Variants in METTL25 observed in about 807,000 individuals in gnomAD.
METTL25 encodes methyltransferase like 25.
In METTL25, 64 loss-of-function variants were observed where a neutral mutation model predicts 71.6. The ratio of observed to expected loss-of-function variants is 0.89; its 90% confidence interval spans 0.73 to 1.10. METTL25 has a LOEUF of 1.10. METTL25 is among the 50% of genes least tolerant of loss of function. The probability of loss-of-function intolerance (pLI) is 0.00; values close to 1 mark genes in which losing one functional copy is unlikely to be tolerated. For synonymous variants in METTL25, 287 were observed against 250.3 expected (o/e 1.15, Z -1.38); for missense variants, 807 against 707.0 (o/e 1.14, Z -1.60).
chr12:82,370,607 G>A (rs180968575), intron 1 of METTL25, among the ~76,000 whole-genome samples: 4 of 152,094 alleles, frequency 2.6e-5, no homozygotes, highest in African/African-American at 7.2e-5. Context: ...AGTCTATTTG[G>A]GATTGTAAAG....
At chr12:82,398,411 T>C in intron 3 of METTL25, among the ~76,000 whole-genome samples, 1 of 152,010 alleles carries the variant, frequency 6.6e-6, no homozygotes, top group Non-Finnish European at 1.5e-5. Flanking sequence ...ATATTATATA[T>C]GTTCTGATGA....
At chr12:82,434,361 T>C (rs1889754275) in intron 6 of METTL25, among the ~76,000 whole-genome samples, 1 of 151,486 alleles carries the variant, frequency 6.6e-6, no homozygotes, top group Non-Finnish European at 1.5e-5. Flanking sequence ...TTGATTGTTT[T>C]AGCTACACTA....
intron 9 of METTL25, among the ~76,000 whole-genome samples, chr12:82,470,511 A>C (rs1238807062): frequency 6.6e-6 from 1 of 152,188 alleles, no homozygotes; most frequent in African/African-American, 2.4e-5. Flanking sequence ...TAGGCACTAC[A>C]GTAAACAACC....
chr12:82,477,105 T>G (rs927673603), intron 10 of METTL25, among the ~76,000 whole-genome samples, 176 bp from the exon 11 acceptor site: 2 of 151,894 alleles, frequency 1.3e-5, no homozygotes. Flanking sequence ...TTCCTATTAT[T>G]AAAGAAAACC....
intron 9 of METTL25, among the ~76,000 whole-genome samples, chr12:82,460,731 G>A (rs1891809643): frequency 6.6e-6 from 1 of 152,170 alleles, no homozygotes; most frequent in Non-Finnish European, 1.5e-5. Flanking sequence ...TGCAGTGTGG[G>A]TTCCCTGGAT....
chr12:82,399,196 CT>C lies in METTL25; in HGVS notation c.937del (p.Ser313LeufsTer3). ...QEENLCFENS[F>X]SLINLLPINA... ...AAGAAAATTTGTGTTTTGAAAATTCCTTTTCTCTTATAAACCTTTTGCCTAT... is the reference window on the plus strand; with the variant it reads ...AAGAAAATTTGTGTTTTGAAAATTCCTTTCTCTTATAAACCTTTTGCCTAT... On this transcript the variant is annotated frameshift_variant, in exon 4 of 12. Transcript: ENST00000248306. LOFTEE classifies it high-confidence loss of function. 1 of 1,613,214 alleles carries C rather than the reference CT, an allele frequency of 6.2e-7. No homozygotes were observed. The highest frequency in any genetic ancestry group is 8.5e-7 in the Non-Finnish European group (1 of 1,179,686).
At position 82,456,820 on chromosome 12, in the gene METTL25, G is replaced by A. The variant is rs768108750; in HGVS notation, c.1572G>A (p.Lys524=). The change falls in exon 9 of 12, where the codon AAG becomes AAA. Residue 524 remains lysine, a splice_region_variant and synonymous_variant. Coordinates refer to ENST00000248306, the MANE Select transcript of METTL25 (RefSeq NM_032230.3). ...AGAAGCTTGGATTAGATGAGTCCAA[G>A]GTCAGTATATGATGACTCATTATTT... The part of the protein sequence containing the change: ...SLKKLGLDES[K]LPEKIIMNYY... 6.7e-7 allele frequency: 1 copy of A among 1,494,566 alleles called. No homozygotes were observed. Among genetic ancestry groups the A allele is most frequent in the South Asian group, 1.2e-5 (1 of 81,664 alleles). 92.6% of individuals were successfully genotyped at this position (1,494,566 alleles called of 1,614,324 possible). A position where few individuals can be genotyped will look rare whatever the true frequency, so the allele number is the denominator to read the frequency against.
intron 3 of METTL25, among the ~76,000 whole-genome samples, chr12:82,394,280 T>A (rs1010258248): frequency 1.3e-5 from 2 of 152,016 alleles, no homozygotes; most frequent in African/African-American, 4.8e-5. Context: ...CAATACTGAA[T>A]GGGACTGTTG....
In METTL25 at chr12:82,395,837, T is replaced by C. The variant is rs192146246; in HGVS notation, c.532-2958T>C. On this transcript the variant is annotated intron_variant, in intron 3 of 11. Coordinates refer to ENST00000248306, the MANE Select transcript of METTL25 (RefSeq NM_032230.3). The stretch of plus-strand genomic sequence containing the variant: ...GGCAGGAGATCAGGGTGGTGGGGAT[T>C]TTCCTATTCTGATCAGATAGTTTGA... Among the ~76,000 whole-genome samples the C allele has an allele frequency of 2.0e-5, 3 of 152,144 alleles. No homozygotes were observed. In the East Asian group the frequency reaches 5.8e-4, roughly 29 times the overall value.
intron 5 of METTL25, among the ~76,000 whole-genome samples, chr12:82,406,353 G>T (rs1565836939): frequency 1.3e-5 from 2 of 151,786 alleles, no homozygotes; most frequent in African/African-American, 4.8e-5. Context: ...TACCTATATT[G>T]TTTTTTTATG....
chr12:82,369,195 A>G (rs144376163), intron 1 of METTL25, among the ~76,000 whole-genome samples: 2 of 152,294 alleles, frequency 1.3e-5, no homozygotes, highest in African/African-American at 4.8e-5. Flanking sequence ...TTAGTAATGA[A>G]ATTACTCATT....
intron 3 of METTL25, among the ~76,000 whole-genome samples, chr12:82,391,796 T>G (rs1885614051): frequency 6.6e-6 from 1 of 151,530 alleles, no homozygotes; most frequent in Non-Finnish European, 1.5e-5. Context: ...ATTTTTAGTG[T>G]TTTGAAGAAC....
intron 8 of METTL25, chr12:82,451,208 T>C (rs1287832967): frequency 1.5e-6 from 1 of 679,824 alleles, no homozygotes; most frequent in Non-Finnish European, 1.8e-6. Flanking sequence ...GAAAAGAATT[T>C]CTTAAAAGTG....
intron 8 of METTL25, among the ~76,000 whole-genome samples, chr12:82,450,157 T>G (rs1214566103): frequency 6.6e-6 from 1 of 152,158 alleles, no homozygotes; most frequent in African/African-American, 2.4e-5. Context: ...TTTCTCATTT[T>G]CAAACCTCTA....
intron 1 of METTL25, among the ~76,000 whole-genome samples, chr12:82,366,575 ATT>A (rs755507690): frequency 7.8e-6 from 1 of 127,452 alleles, no homozygotes. Context: ...GCTTGTCTTT[ATT>A]TTTTTTTTTT....
intron 8 of METTL25, among the ~76,000 whole-genome samples, chr12:82,447,822 T>G (rs912408394): frequency 1.3e-5 from 2 of 152,140 alleles, no homozygotes; most frequent in Non-Finnish European, 2.9e-5. Flanking sequence ...TCAGTATCAC[T>G]AAAATATTGA....
intron 1 of METTL25, among the ~76,000 whole-genome samples, chr12:82,373,817 G>A (rs1883526206): frequency 6.6e-6 from 1 of 152,188 alleles, no homozygotes; most frequent in Admixed American, 6.5e-5. Context: ...TTGTTAGAGA[G>A]CTCTTTCCCA....
chr12:82,429,892 C>T (rs191749209), intron 5 of METTL25, among the ~76,000 whole-genome samples: 7 of 151,254 alleles, frequency 4.6e-5, no homozygotes, highest in Middle Eastern at 6.8e-3. Flanking sequence ...TATTTAATAC[C>T]TGAACATCTG....
At chr12:82,371,172 A>G (rs1360083801) in intron 1 of METTL25, among the ~76,000 whole-genome samples, 1 of 152,202 alleles carries the variant, frequency 6.6e-6, no homozygotes, top group African/African-American at 2.4e-5. Context: ...AGGACAGGAG[A>G]TTAGCACTGA....
Sources: allele counts gnomAD v4.1 joint callset (sites outside exome capture counted in the v4.1 genomes callset), GRCh38; gene constraint gnomAD v4.1.1; transcripts MANE v1.5; gene names NCBI Gene and HGNC (gene_info 2026-07-23, HGNC 2026-07-21).